The following NFATC3 variants were observed in gnomAD, a reference collection of about 807,000 sequenced individuals.
The protein encoded by NFATC3 is nuclear factor of activated T-cells, cytoplasmic 3.
Under a neutral mutation model 98.6 loss-of-function variants are expected in NFATC3, and 46 were observed. The ratio of observed to expected loss-of-function variants is 0.47; its 90% CI spans 0.37 to 0.60. NFATC3 has a LOEUF of 0.60. Ranked by LOEUF, NFATC3 falls within the 20% of genes least tolerant of loss-of-function variation. NFATC3 has a pLI of 0.00. For synonymous variants in NFATC3, 512 were observed against 472.2 expected (o/e 1.08, Z -1.09); for missense variants, 1,256 against 1,295.5 (o/e 0.97, Z 0.47).
intron 9 of NFATC3, among the ~76,000 whole-genome samples, chr16:68,222,310 AAAAAAAAAAAAAAAAATAG>A (rs2041899146): frequency 6.8e-6 from 1 of 147,544 alleles, no homozygotes; most frequent in Non-Finnish European, 1.5e-5. Flanking sequence ...AAAAAAAAAA[AAAAAAAAAAAAAAAAATAG>A]AAAAAAGAAA....
At chr16:68,134,982 T>A (rs1194917183) in intron 3 of NFATC3, among the ~76,000 whole-genome samples, 2 of 149,864 alleles carry the variant, frequency 1.3e-5, no homozygotes, top group African/African-American at 2.4e-5. Flanking sequence ...TGATACAGTC[T>A]CTTTTTTTTT....
chr16:68,127,610 C>G (rs1007799844), intron 3 of NFATC3, among the ~76,000 whole-genome samples: 2 of 151,486 alleles, frequency 1.3e-5, no homozygotes, highest in African/African-American at 4.9e-5. Context: ...ATCAATTGAA[C>G]CTGGGAGGTT....
At chr16:68,163,900 C>T (rs966018228) in intron 4 of NFATC3, among the ~76,000 whole-genome samples, 15 of 151,144 alleles carry the variant, frequency 9.9e-5, no homozygotes, top group African/African-American at 2.7e-4. Context: ...CGGGCAGAGA[C>T]GCTCCTCACT....
At chr16:68,109,265 T>G (rs1357456855) in intron 1 of NFATC3, among the ~76,000 whole-genome samples, 2 of 152,242 alleles carry the variant, frequency 1.3e-5, no homozygotes, top group Admixed American at 1.3e-4. Context: ...CCTAGTTTAT[T>G]GAGAGTTTTT....
chr16:68,124,833 A>G (rs2036751537), intron 2 of NFATC3, among the ~76,000 whole-genome samples: 1 of 151,834 alleles, frequency 6.6e-6, no homozygotes, highest in Non-Finnish European at 1.5e-5. Flanking sequence ...AGGTTAAGCA[A>G]TTCTCCTGCC....
At chr16:68,183,171 G>T in intron 7 of NFATC3, 69 bp from the exon 8 acceptor site, 1 of 1,490,908 alleles carries the variant, frequency 6.7e-7, no homozygotes. Context: ...CTCATGAGTT[G>T]TGATGTGTTT....
chr16:68,184,004 CAAAA>C (rs34341175), intron 8 of NFATC3, among the ~76,000 whole-genome samples: 2 of 62,256 alleles, frequency 3.2e-5, no homozygotes, highest in Admixed American at 1.8e-4. Flanking sequence ...AACTCCGTCA[CAAAA>C]AAAAAAAAAA....
chr16:68,200,224 G>A (rs2040857848), intron 9 of NFATC3: 1 of 151,774 alleles, frequency 6.6e-6, no homozygotes, highest in African/African-American at 2.4e-5. Flanking sequence ...CCCTTTCATA[G>A]TGGAGTATCC....
intron 9 of NFATC3, among the ~76,000 whole-genome samples, chr16:68,213,534 A>C (rs1176082557): frequency 6.6e-6 from 1 of 152,110 alleles, no homozygotes; most frequent in Non-Finnish European, 1.5e-5. Context: ...TTAGTTTAAA[A>C]AATACTCCTC....
At chr16:68,127,792 A>T (rs1002701101) in intron 3 of NFATC3, among the ~76,000 whole-genome samples, 1 of 152,150 alleles carries the variant, frequency 6.6e-6, no homozygotes, top group African/African-American at 2.4e-5. Flanking sequence ...TAGATGGCAT[A>T]GATTGACTTC....
chr16:68,179,937 C>G lies in NFATC3; in HGVS notation c.1916-1538C>G, dbSNP rs571080237. The stretch of plus-strand genomic sequence containing the variant: ...CATGGCAGTAGGAAATGTATAGACC[C>G]TTGGTCACATACTTATTGTGAGAGT... On this transcript the variant is annotated intron_variant, in intron 6 of 9. Coordinates refer to ENST00000346183, the MANE Select transcript of NFATC3 (RefSeq NM_173165.3). Among the ~76,000 whole-genome samples, 10 of 152,284 alleles carry G rather than the reference C, an allele frequency of 6.6e-5. No homozygotes were observed. In the South Asian group the frequency reaches 2.1e-3, roughly 32 times the overall value.
intron 9 of NFATC3, among the ~76,000 whole-genome samples, chr16:68,201,333 G>A (rs950597547): frequency 2.6e-5 from 4 of 152,084 alleles, no homozygotes; most frequent in Non-Finnish European, 5.9e-5. Context: ...TGGGACTCAG[G>A]TGATCCTTCC....
chr16:68,111,334 A>G (rs185970308), intron 1 of NFATC3, among the ~76,000 whole-genome samples: 1 of 152,274 alleles, frequency 6.6e-6, no homozygotes, highest in East Asian at 1.9e-4. Context: ...TATTTAGGAT[A>G]GTTAGCTCTT....
intron 1 of NFATC3, among the ~76,000 whole-genome samples, chr16:68,116,944 T>C (rs1288023034): frequency 6.6e-6 from 1 of 152,224 alleles, no homozygotes; most frequent in African/African-American, 2.4e-5. Context: ...TTGTTCTGGA[T>C]GACTTCAAGG....
chr16:68,220,799 G>A (rs1294263149), intron 9 of NFATC3, among the ~76,000 whole-genome samples: 1 of 150,850 alleles, frequency 6.6e-6, no homozygotes, highest in Non-Finnish European at 1.5e-5. Context: ...GGCGCCTATA[G>A]TCCCAGCTAC....
intron 9 of NFATC3, among the ~76,000 whole-genome samples, chr16:68,215,326 A>G (rs1239909166): frequency 6.6e-6 from 1 of 152,232 alleles, no homozygotes; most frequent in African/African-American, 2.4e-5. Context: ...GAATGTATAT[A>G]AAACTCTCAG....
chr16:68,195,212 G>A (rs983763335), intron 9 of NFATC3, among the ~76,000 whole-genome samples: 9 of 152,036 alleles, frequency 5.9e-5, no homozygotes, highest in African/African-American at 2.2e-4. Context: ...CTGAGATCGC[G>A]CCATTGTACT....
At chr16:68,094,558 T>C (rs2034904289) in intron 1 of NFATC3, among the ~76,000 whole-genome samples, 1 of 152,196 alleles carries the variant, frequency 6.6e-6, no homozygotes. Flanking sequence ...TTTATTCTTC[T>C]CTCTCAAGAT....
In NFATC3 at chr16:68,191,191, T is replaced by C. The variant is rs1267285836; in HGVS notation, c.2522T>C (p.Leu841Ser). Residue 841 changes from leucine to serine, a missense_variant, in exon 9 of 10, where the codon TTA (leucine) becomes TCA (serine). Coordinates refer to ENST00000346183, the MANE Select transcript of NFATC3 (RefSeq NM_173165.3). ...LFQQDATLSG[L>S]VNLGCQPLSS... is the part of the protein sequence containing the mutation. The stretch of plus-strand genomic sequence containing the variant: ...CAGCAGGATGCAACTCTTTCTGGTT[T>C]AGTGAATCTTGGCTGTCAACCACTG... 1.2e-6 allele frequency: 2 copies of C among 1,614,208 alleles called. No individual in the cohort carries two copies. Among genetic ancestry groups the C allele is most frequent in the African/African-American group, 2.7e-5 (2 of 75,052 alleles).
Sources: allele counts gnomAD v4.1 joint callset (sites outside exome capture counted in the v4.1 genomes callset), GRCh38; gene constraint gnomAD v4.1.1; transcripts MANE v1.5; gene names NCBI Gene and HGNC (gene_info 2026-07-23, HGNC 2026-07-21).